The following DENND1B variants were observed in gnomAD, a reference collection of about 807,000 sequenced individuals.
The protein encoded by DENND1B is DENN domain-containing protein 1B.
Under a neutral mutation model 90.1 loss-of-function variants are expected in DENND1B, and 59 were observed. The observed-to-expected ratio is 0.65, with a 90% CI of 0.53 to 0.81. DENND1B has a LOEUF of 0.81. Ranked by LOEUF, DENND1B falls within the 40% of genes least tolerant of loss-of-function variation. The pLI is 0.00. For synonymous variants in DENND1B, 337 were observed against 324.6 expected (o/e 1.04, Z -0.41); for missense variants, 862 against 912.6 (o/e 0.94, Z 0.71).
At chr1:197,758,226 C>T (rs569071178) in intron 2 of DENND1B, among the ~76,000 whole-genome samples, 4 of 152,150 alleles carry the variant, frequency 2.6e-5, no homozygotes, top group Non-Finnish European at 4.4e-5. Flanking sequence ...CTAATCACAG[C>T]GCAAAATACC....
intron 2 of DENND1B, among the ~76,000 whole-genome samples, chr1:197,730,238 AGG>A (rs1662028869): frequency 6.6e-6 from 1 of 152,232 alleles, no homozygotes; most frequent in Non-Finnish European, 1.5e-5. Context: ...GAAAAGACAA[AGG>A]GGAGATTTCA....
At chr1:197,769,934 C>T (rs1656194423) in intron 2 of DENND1B, among the ~76,000 whole-genome samples, 1 of 151,996 alleles carries the variant, frequency 6.6e-6, no homozygotes, top group African/African-American at 2.4e-5. Context: ...ATTACAGAAA[C>T]ATAAATCTCT....
At chr1:197,699,897 T>C (rs1209665949) in intron 3 of DENND1B, among the ~76,000 whole-genome samples, 1 of 152,024 alleles carries the variant, frequency 6.6e-6, no homozygotes, top group East Asian at 1.9e-4. Context: ...GGAATACAGC[T>C]AACAAGGGAC....
chr1:197,565,022 T>A (rs1034499809), intron 15 of DENND1B, among the ~76,000 whole-genome samples: 3 of 152,062 alleles, frequency 2.0e-5, no homozygotes, highest in Admixed American at 6.6e-5. Flanking sequence ...TTTCATGTTA[T>A]AAAATACATG....
chr1:197,511,637 C>A, intron 22 of DENND1B, 91 bp downstream of exon 22: 2 of 981,700 alleles, frequency 2.0e-6, no homozygotes, highest in Non-Finnish European at 2.8e-6. Flanking sequence ...AGGTTAAATG[C>A]TTCTACCAAC....
intron 3 of DENND1B, among the ~76,000 whole-genome samples, chr1:197,674,680 AAAGAG>A (rs1002615401): frequency 3.3e-5 from 5 of 152,078 alleles, no homozygotes; most frequent in South Asian, 2.1e-4. Flanking sequence ...AAAAAAAAAA[AAAGAG>A]AGAGAGACTT....
intron 11 of DENND1B, among the ~76,000 whole-genome samples, chr1:197,614,364 T>C (rs1267582812): frequency 6.6e-6 from 1 of 151,016 alleles, no homozygotes; most frequent in Non-Finnish European, 1.5e-5. Context: ...ATAGAGTGAA[T>C]AGTTGTTTCT....
Position 197,604,046 on chromosome 1 carries a change from G to T in DENND1B, c.921+3027C>A, listed in dbSNP as rs554638786. On this transcript the variant is annotated intron_variant, in intron 13 of 22. Coordinates refer to ENST00000620048, the MANE Select transcript of DENND1B (RefSeq NM_001195215.2). The stretch of plus-strand genomic sequence containing the variant: ...TCAAACTATACTACAGATGTTTGAA[G>T]GTGTCTATTTGGCACAGCCACTAAA... 1.1e-3 allele frequency among the ~76,000 whole-genome samples: 173 copies of T among 150,920 alleles called. 1 individual carries two copies. The highest frequency in any genetic ancestry group is 4.0e-3 in the African/African-American group (165 of 41,298).
intron 14 of DENND1B, among the ~76,000 whole-genome samples, chr1:197,589,666 T>TTAC (rs1675015613): frequency 6.6e-6 from 1 of 152,186 alleles, no homozygotes; most frequent in South Asian, 2.1e-4. Context: ...TACAACAACA[T>TTAC]TACTTACTGA....
At chr1:197,603,640 A>G (rs1483616852) in intron 13 of DENND1B, among the ~76,000 whole-genome samples, 1 of 151,304 alleles carries the variant, frequency 6.6e-6, no homozygotes, top group East Asian at 1.9e-4. Flanking sequence ...TTTAATATTC[A>G]TATGAGAGAA....
At chr1:197,648,593 T>C (rs751273088) in intron 7 of DENND1B, among the ~76,000 whole-genome samples, 1 of 152,204 alleles carries the variant, frequency 6.6e-6, no homozygotes. Context: ...AATAACTTTA[T>C]AAATATAACA....
Position 197,647,050 on chromosome 1 carries a change from C to A in DENND1B, c.507+5G>T. ...TTTTTAGAAGCCAATGTCCTTTTAA[C>A]TCACCGGTACTAGAGCAGGCTGATC... is the stretch of plus-strand genomic sequence containing the variant. On this transcript the variant is annotated splice_donor_5th_base_variant and intron_variant, in intron 8 of 22. Coordinates refer to ENST00000620048, the MANE Select transcript of DENND1B (RefSeq NM_001195215.2). 6.8e-7 allele frequency: 1 copy of A among 1,465,768 alleles called. No homozygotes were observed. The highest frequency in any genetic ancestry group is 9.0e-7 in the Non-Finnish European group (1 of 1,116,740). 90.8% of individuals were successfully genotyped at this position (1,465,768 alleles called of 1,614,324 possible). A position where few individuals can be genotyped will look rare whatever the true frequency, so the allele number is the denominator to read the frequency against.
intron 10 of DENND1B, among the ~76,000 whole-genome samples, chr1:197,631,204 G>T (rs1237309405): frequency 6.6e-6 from 1 of 152,006 alleles, no homozygotes; most frequent in Non-Finnish European, 1.5e-5. Flanking sequence ...ACATTCTGGA[G>T]GATGAAGGGT....
At chr1:197,544,416 G>A (rs934012309) in intron 18 of DENND1B, among the ~76,000 whole-genome samples, 11 of 152,140 alleles carry the variant, frequency 7.2e-5, no homozygotes, top group African/African-American at 2.2e-4. Flanking sequence ...GATATGGAAC[G>A]TTCTGAGGAG....
intron 14 of DENND1B, among the ~76,000 whole-genome samples, chr1:197,594,171 A>G (rs977774262): frequency 6.6e-6 from 1 of 152,196 alleles, no homozygotes; most frequent in African/African-American, 2.4e-5. Flanking sequence ...TAAAAATAGC[A>G]GCGGATCTGC....
At chr1:197,640,200 C>A (rs942429324) in intron 10 of DENND1B, among the ~76,000 whole-genome samples, 1 of 152,080 alleles carries the variant, frequency 6.6e-6, no homozygotes, top group Non-Finnish European at 1.5e-5. Context: ...AGGCCGGGTG[C>A]GGTGGCTCAC....
At chr1:197,599,743 C>A (rs961064574) in intron 13 of DENND1B, among the ~76,000 whole-genome samples, 4 of 151,776 alleles carry the variant, frequency 2.6e-5, no homozygotes, top group African/African-American at 9.7e-5. Context: ...AAAACAGTAA[C>A]CTTTAACATT....
intron 6 of DENND1B, among the ~76,000 whole-genome samples, chr1:197,656,972 C>T (rs1230199272): frequency 2.0e-5 from 3 of 151,946 alleles, no homozygotes; most frequent in African/African-American, 2.4e-5. Flanking sequence ...TAGAAGAAAA[C>T]ATATGAAGAA....
intron 10 of DENND1B, among the ~76,000 whole-genome samples, chr1:197,627,968 G>T (rs932430633): frequency 1.3e-5 from 2 of 152,062 alleles, no homozygotes; most frequent in African/African-American, 4.8e-5. Flanking sequence ...CAACTTACAA[G>T]GGATGTGAAG....
Sources: gnomAD v4.1 joint callset for allele counts (sites outside exome capture counted in the v4.1 genomes callset) on GRCh38, gnomAD v4.1.1 for gene constraint, MANE v1.5 for transcripts, NCBI Gene and HGNC (gene_info 2026-07-23, HGNC 2026-07-21) for gene names.